Variants in TAOK1 observed in about 807,000 individuals in gnomAD.
TAOK1 encodes TAO kinase 1, also known as serine/threonine-protein kinase TAO1.
Under a neutral mutation model 138.3 loss-of-function variants are expected in TAOK1, and 21 were observed. The ratio of observed to expected loss-of-function variants is 0.15; its 90% confidence interval spans 0.11 to 0.22. The LOEUF (loss-of-function observed/expected upper bound fraction) is 0.22. TAOK1 is among the 10% of genes least tolerant of loss of function. The pLI is 1.00. For synonymous variants in TAOK1, 361 were observed against 398.4 expected, an observed-to-expected ratio of 0.91 and a Z score of 1.12; for missense variants, 651 against 1,227.7, an observed-to-expected ratio of 0.53 and a Z score of 7.02.
At chr17:29,540,621 A>G (rs2032299691) in intron 19 of TAOK1, among the ~76,000 whole-genome samples, 1 of 151,746 alleles carries the variant, frequency 6.6e-6, no homozygotes, top group African/African-American at 2.4e-5. Context: ...CCCAGGCTTG[A>G]GTGCAATGGT....
chr17:29,499,067 G>A (rs933750565), intron 12 of TAOK1, among the ~76,000 whole-genome samples: 1 of 151,798 alleles, frequency 6.6e-6, no homozygotes, highest in African/African-American at 2.4e-5. Flanking sequence ...AAAAAGTACA[G>A]AAACTTCAAA....
chr17:29,399,696 G>T (rs566848929), intron 1 of TAOK1, among the ~76,000 whole-genome samples: 94 of 152,058 alleles, frequency 6.2e-4, no homozygotes, highest in Non-Finnish European at 1.2e-3. Context: ...GTAACTTTTT[G>T]CACCTATAAT....
intron 1 of TAOK1, among the ~76,000 whole-genome samples, chr17:29,450,116 T>C (rs1208056518): frequency 6.6e-6 from 1 of 151,886 alleles, no homozygotes; most frequent in East Asian, 1.9e-4. Flanking sequence ...AAACAGGGTC[T>C]CTCTCTCTTG....
chr17:29,439,864 TAAAAAAAAAA>T (rs371960597), intron 1 of TAOK1, among the ~76,000 whole-genome samples: 31 of 118,150 alleles, frequency 2.6e-4, no homozygotes, highest in African/African-American at 2.8e-4. Flanking sequence ...CTCTGTCTCC[TAAAAAAAAAA>T]AAAAAAAAAA....
intron 8 of TAOK1, among the ~76,000 whole-genome samples, chr17:29,486,350 G>A (rs747346887): frequency 1.3e-5 from 2 of 152,102 alleles, no homozygotes; most frequent in Admixed American, 6.5e-5. Context: ...ATATTTGGCC[G>A]AGTGCAGTTC....
chr17:29,399,832 C>CCA (rs1904782679), intron 1 of TAOK1, among the ~76,000 whole-genome samples: 1 of 151,968 alleles, frequency 6.6e-6, no homozygotes, highest in Non-Finnish European at 1.5e-5. Context: ...CTGGACTTAG[C>CCA]GATCCTCTCA....
chr17:29,538,316 T>C (rs1471852247), intron 19 of TAOK1, among the ~76,000 whole-genome samples: 2 of 152,200 alleles, frequency 1.3e-5, no homozygotes, highest in East Asian at 3.8e-4. Context: ...TCTGTTTCTT[T>C]TTTAAAATAT....
chr17:29,471,577 T>G (rs927458033), intron 3 of TAOK1, among the ~76,000 whole-genome samples: 1 of 152,008 alleles, frequency 6.6e-6, no homozygotes, highest in Admixed American at 6.6e-5. Context: ...GCGCCCAGCT[T>G]AAAATATTTT....
intron 15 of TAOK1, chr17:29,512,822 A>C (rs892405916): frequency 4.6e-5 from 7 of 152,120 alleles, no homozygotes; most frequent in African/African-American, 1.5e-4. Context: ...AGCTGGGACT[A>C]CAGGGACCCA....
chr17:29,498,941 T>C (rs2031463699), intron 12 of TAOK1, among the ~76,000 whole-genome samples: 1 of 151,688 alleles, frequency 6.6e-6, no homozygotes, highest in Admixed American at 6.6e-5. Flanking sequence ...AAAAAAAAGT[T>C]TGGAACATTT....
intron 3 of TAOK1, among the ~76,000 whole-genome samples, chr17:29,471,434 C>T (rs182940163): frequency 1.7e-4 from 25 of 150,938 alleles, no homozygotes; most frequent in Admixed American, 7.3e-4. Flanking sequence ...CCCGCTACCA[C>T]GCCTGGCTAA....
intron 15 of TAOK1, among the ~76,000 whole-genome samples, chr17:29,516,171 A>G (rs1373549980): frequency 6.6e-6 from 1 of 151,662 alleles, no homozygotes; most frequent in Non-Finnish European, 1.5e-5. Context: ...ATGTTGGTCA[A>G]GCTGGTCTTG....
intron 2 of TAOK1, 51 bp from the exon 3 acceptor site, chr17:29,467,094 A>G (rs776515168): frequency 1.4e-6 from 2 of 1,379,752 alleles, no homozygotes; most frequent in Non-Finnish European, 2.0e-6. Flanking sequence ...ATAGTTGCCT[A>G]GATTTCACCT....
intron 1 of TAOK1, among the ~76,000 whole-genome samples, chr17:29,406,174 T>TA (rs1447002495): frequency 6.6e-6 from 1 of 152,174 alleles, no homozygotes; most frequent in Non-Finnish European, 1.5e-5. Context: ...CACTGGCTTT[T>TA]ACCCATTAGA....
rs2153021911 is a variant in TAOK1 at position 29,422,982 on chromosome 17, C to T, written c.-94-28473C>T. ...AAAGGTTGCAGTGAGTTGAGATCGC[C>T]TCATTGCACTCTAGCCTGGGTGACA... On this transcript the variant is annotated intron_variant, in intron 1 of 19. Coordinates refer to ENST00000261716, the MANE Select transcript of TAOK1 (RefSeq NM_020791.4). 1.3e-5 allele frequency among the ~76,000 whole-genome samples: 2 copies of T among 152,186 alleles called. 1 individual carries two copies. The highest frequency in any genetic ancestry group is 4.1e-4 in the South Asian group (2 of 4,820).
chr17:29,536,417 G>A (rs1214312610), intron 19 of TAOK1, among the ~76,000 whole-genome samples: 1 of 151,946 alleles, frequency 6.6e-6, no homozygotes, highest in Non-Finnish European at 1.5e-5. Flanking sequence ...GGCTAACACG[G>A]TGAAACCCCG....
At chr17:29,427,882 C>T (rs1034959675) in intron 1 of TAOK1, among the ~76,000 whole-genome samples, 5 of 148,188 alleles carry the variant, frequency 3.4e-5, no homozygotes, top group East Asian at 2.0e-4. Context: ...GCCGAGATTG[C>T]GCCACTGCAC....
chr17:29,538,357 A>G (rs1468575430), intron 19 of TAOK1, among the ~76,000 whole-genome samples: 1 of 152,204 alleles, frequency 6.6e-6, no homozygotes, highest in Non-Finnish European at 1.5e-5. Flanking sequence ...GGAAAAATGC[A>G]TACAATTATT....
intron 2 of TAOK1, among the ~76,000 whole-genome samples, chr17:29,454,783 C>T (rs1567722902): frequency 6.6e-6 from 1 of 151,974 alleles, no homozygotes; most frequent in Non-Finnish European, 1.5e-5. Flanking sequence ...CTCACTGCAG[C>T]CTCGGCCTCC....
Sources: gnomAD v4.1 joint callset for allele counts (sites outside exome capture counted in the v4.1 genomes callset) on GRCh38, gnomAD v4.1.1 for gene constraint, MANE v1.5 for transcripts, NCBI Gene and HGNC (gene_info 2026-07-23, HGNC 2026-07-21) for gene names.